Variants in DPP6 observed in about 807,000 individuals in gnomAD.
The protein encoded by DPP6 is dipeptidyl peptidase like 6.
DPP6 carries 69 observed loss-of-function variants against 122.6 expected under a neutral mutation model. The observed-to-expected ratio is 0.56, with a 90% CI of 0.46 to 0.69. DPP6 has a LOEUF of 0.69. Ranked by LOEUF, DPP6 falls within the 30% of genes least tolerant of loss-of-function variation. The probability of loss-of-function intolerance (pLI) is 0.00; values close to 1 mark genes in which losing one functional copy is unlikely to be tolerated. For missense variants in DPP6, 928 were observed against 1,116.9 expected (o/e 0.83, Z 2.41); for synonymous variants, 418 against 433.1 (o/e 0.97, Z 0.43).
At chr7:154,192,212 C>A (rs760960920) in intron 1 of DPP6, among the ~76,000 whole-genome samples, 1 of 152,224 alleles carries the variant, frequency 6.6e-6, no homozygotes. Context: ...CATTAAATTT[C>A]GTTTTCCCAT....
chr7:153,956,818 A>G (rs1802482338), intron 1 of DPP6, among the ~76,000 whole-genome samples: 1 of 151,964 alleles, frequency 6.6e-6, no homozygotes, highest in African/African-American at 2.4e-5. Context: ...ATTATCTTTC[A>G]CTGTTTCTAG....
At chr7:154,161,299 C>T (rs1796970276) in intron 1 of DPP6, among the ~76,000 whole-genome samples, 1 of 152,186 alleles carries the variant, frequency 6.6e-6, no homozygotes, top group South Asian at 2.1e-4. Context: ...GAGTTTGAGA[C>T]CAGCCTGGCC....
intron 16 of DPP6, among the ~76,000 whole-genome samples, chr7:154,829,901 G>A (rs1162378839): frequency 1.3e-5 from 2 of 152,126 alleles, no homozygotes; most frequent in African/African-American, 4.8e-5. Context: ...AGTGCCTCCT[G>A]TGATGCTGGT....
At chr7:154,270,390 T>C (rs930367034) in intron 1 of DPP6, among the ~76,000 whole-genome samples, 1 of 152,264 alleles carries the variant, frequency 6.6e-6, no homozygotes, top group Non-Finnish European at 1.5e-5. Context: ...AAGGAAAATA[T>C]CATTTTTCTA....
chr7:154,793,633 G>A (rs10266138), intron 10 of DPP6: 5,579 of 153,820 alleles, frequency 0.036, 154 homozygotes, highest in South Asian at 0.076. Context: ...ACCCTGTGTC[G>A]CTCTCTGGGG....
chr7:154,433,142 T>TG, intron 1 of DPP6, among the ~76,000 whole-genome samples: 1 of 112,388 alleles, frequency 8.9e-6, no homozygotes, highest in African/African-American at 5.0e-5. Flanking sequence ...GCAAGTTTTT[T>TG]TTTTTTTTTT....
chr7:154,518,061 A>T (rs961177446), intron 3 of DPP6, among the ~76,000 whole-genome samples: 7 of 152,186 alleles, frequency 4.6e-5, no homozygotes, highest in Non-Finnish European at 8.8e-5. Context: ...GATGTGTACC[A>T]TTAAAATGAA....
intron 10 of DPP6, among the ~76,000 whole-genome samples, chr7:154,786,275 C>T (rs1270328717): frequency 2.6e-5 from 4 of 152,124 alleles, no homozygotes; most frequent in African/African-American, 9.7e-5. Flanking sequence ...ACTCTTTATT[C>T]GTCAAAGCTA....
At chr7:154,876,473 G>T (rs1453100316) in intron 20 of DPP6, 1 of 182,568 alleles carries the variant, frequency 5.5e-6, no homozygotes, top group Non-Finnish European at 1.1e-5. Flanking sequence ...AGGAAGGACA[G>T]AAAAAGGGAA....
chr7:154,496,797 C>A (rs1009576962), intron 3 of DPP6, among the ~76,000 whole-genome samples: 2 of 152,234 alleles, frequency 1.3e-5, no homozygotes, highest in African/African-American at 4.8e-5. Context: ...CACTTCATAA[C>A]ATAGAAGTGT....
intron 11 of DPP6, 57 bp from the exon 12 acceptor site, chr7:154,795,788 A>G: frequency 6.6e-7 from 1 of 1,523,724 alleles, no homozygotes; most frequent in Non-Finnish European, 8.8e-7. Context: ...TACATGCAAA[A>G]AAAAAAAAGA....
intron 1 of DPP6, among the ~76,000 whole-genome samples, chr7:154,061,203 G>C (rs1183971071): frequency 1.3e-5 from 2 of 149,324 alleles, no homozygotes; most frequent in Non-Finnish European, 1.5e-5. Context: ...TATTAGCCAA[G>C]CCTTTGTATG....
chr7:154,184,985 C>T (rs1487066739), intron 1 of DPP6, among the ~76,000 whole-genome samples: 2 of 152,034 alleles, frequency 1.3e-5, no homozygotes, highest in Admixed American at 6.5e-5. Flanking sequence ...CTCTGGGAGC[C>T]GATTTAAGTC....
At chr7:154,610,400 T>C (rs765062309) in intron 5 of DPP6, among the ~76,000 whole-genome samples, 15 of 152,094 alleles carry the variant, frequency 9.9e-5, no homozygotes, top group Non-Finnish European at 2.1e-4. Flanking sequence ...CCTGAGGTGT[T>C]ACATGGGGTC....
chr7:153,881,031 G>A, the DPP6 span, among the ~76,000 whole-genome samples: 1 of 152,318 alleles, frequency 6.6e-6, no homozygotes, highest in African/African-American at 2.4e-5. Flanking sequence ...TAGGTTTAAA[G>A]AAGATATTTA....
At chr7:154,812,205 G>T (rs1225236669) in intron 16 of DPP6, among the ~76,000 whole-genome samples, 1 of 152,150 alleles carries the variant, frequency 6.6e-6, no homozygotes, top group Non-Finnish European at 1.5e-5. Context: ...TAAGGGCTGG[G>T]TATAAAATCA....
rs773973491 is a variant in DPP6, at chr7:154,065,896, C to CCT, written c.243+12834_243+12835dup. The stretch of plus-strand genomic sequence containing the variant: ...TTCAGGAGGTGAGTTGTTTTATCCT[C>CCT]CTAAGAAGCCGCCTTGGTATCCCAC... On this transcript the variant is annotated intron_variant, in intron 1 of 25. Coordinates refer to ENST00000377770, the MANE Select transcript of DPP6 (RefSeq NM_130797.4). 2.6e-3 allele frequency among the ~76,000 whole-genome samples: 394 copies of CCT among 152,118 alleles called. 1 individual carries two copies. The highest frequency in any genetic ancestry group is 7.2e-3 in the Admixed American group (110 of 15,292).
rs544474749 is a variant in DPP6 at position 154,832,936 on chromosome 7, T to C, written c.1667-20844T>C. Among the ~76,000 whole-genome samples, 11 of 152,330 alleles carry C rather than the reference T, an allele frequency of 7.2e-5. No homozygotes were observed. The South Asian group carries it at 2.3e-3, about 32-fold the overall frequency. ...GACTACCCTGTGGGGACACAGAGAA[T>C]CGAGCCCTCCAGTTCGAGAAGTCTT... On this transcript the variant is annotated intron_variant, in intron 16 of 25. Transcript: ENST00000377770.
chr7:154,442,930 C>T (rs767036388), intron 1 of DPP6, among the ~76,000 whole-genome samples: 8 of 152,166 alleles, frequency 5.3e-5, no homozygotes, highest in Non-Finnish European at 8.8e-5. Flanking sequence ...TAAGCAGCTC[C>T]CCTGGCCACC....
Sources: gnomAD v4.1 joint callset for allele counts (sites outside exome capture counted in the v4.1 genomes callset) on GRCh38, gnomAD v4.1.1 for gene constraint, MANE v1.5 for transcripts, NCBI Gene and HGNC (gene_info 2026-07-23, HGNC 2026-07-21) for gene names.